CNTNAP2: variants seen among roughly 807,000 people sequenced by gnomAD.
CNTNAP2 encodes the protein contactin-associated protein-like 2.
CNTNAP2 carries 98 observed loss-of-function variants against 155.2 expected under a neutral mutation model. That is an observed-to-expected ratio of 0.63 (90% CI 0.54 to 0.75). The LOEUF (loss-of-function observed/expected upper bound fraction) is 0.75, where lower values mean the gene tolerates loss of function less well. CNTNAP2 is among the 30% of genes least tolerant of loss of function. The probability of loss-of-function intolerance (pLI) is 0.00; values close to 1 mark genes in which losing one functional copy is unlikely to be tolerated. For synonymous variants in CNTNAP2, 651 were observed against 631.2 expected (o/e 1.03, Z -0.47); for missense variants, 1,727 against 1,688.1 (o/e 1.02, Z -0.40).
chr7:146,638,094 T>A (rs892631692), intron 1 of CNTNAP2, among the ~76,000 whole-genome samples: 4 of 152,174 alleles, frequency 2.6e-5, no homozygotes, highest in African/African-American at 9.7e-5. Context: ...AAATCAAACC[T>A]GTTGGTTGCT....
intron 3 of CNTNAP2, among the ~76,000 whole-genome samples, chr7:146,924,951 T>A (rs529354567): frequency 1.3e-5 from 2 of 152,204 alleles, no homozygotes; most frequent in South Asian, 4.1e-4. Flanking sequence ...GCAAAAAAAA[T>A]TAAAAATGTA....
At chr7:146,621,796 T>C (rs998409935) in intron 1 of CNTNAP2, among the ~76,000 whole-genome samples, 3 of 152,174 alleles carry the variant, frequency 2.0e-5, no homozygotes, top group African/African-American at 7.2e-5. Context: ...AGTCCCTATG[T>C]GCAGTTCACA....
chr7:147,985,953 G>C (rs1585063287), intron 15 of CNTNAP2, among the ~76,000 whole-genome samples: 2 of 152,222 alleles, frequency 1.3e-5, no homozygotes, highest in East Asian at 3.9e-4. Flanking sequence ...CTTCCTACAT[G>C]AAATCTGGAT....
intron 3 of CNTNAP2, among the ~76,000 whole-genome samples, chr7:146,933,188 T>C (rs1009622518): frequency 4.0e-5 from 6 of 151,742 alleles, no homozygotes; most frequent in African/African-American, 1.5e-4. Context: ...CTTCAAAGTA[T>C]ACTATAAGGC....
intron 13 of CNTNAP2, among the ~76,000 whole-genome samples, chr7:147,845,150 G>A (rs1397947258): frequency 2.3e-5 from 2 of 87,702 alleles, no homozygotes; most frequent in East Asian, 7.2e-4. Context: ...CTATTGATTG[G>A]AATAGTTTCA....
At chr7:147,099,430 A>T (rs987164020) in intron 4 of CNTNAP2, among the ~76,000 whole-genome samples, 3 of 152,124 alleles carry the variant, frequency 2.0e-5, no homozygotes, top group African/African-American at 7.2e-5. Flanking sequence ...AGTTGAAGCC[A>T]TGGCAGCTCC....
At chr7:147,565,855 G>A (rs1800159793) in intron 12 of CNTNAP2, among the ~76,000 whole-genome samples, 3 of 152,124 alleles carry the variant, frequency 2.0e-5, no homozygotes, top group Non-Finnish European at 2.9e-5. Context: ...TTTTACAGTT[G>A]GGTGAGCCCC....
intron 18 of CNTNAP2, among the ~76,000 whole-genome samples, chr7:148,193,841 C>A (rs1180158589): frequency 6.6e-6 from 1 of 151,948 alleles, no homozygotes; most frequent in Non-Finnish European, 1.5e-5. Flanking sequence ...CCCATTGTTC[C>A]TAGTCCACTG....
At chr7:148,253,985 T>C (rs1320011589) in intron 20 of CNTNAP2, among the ~76,000 whole-genome samples, 1 of 152,092 alleles carries the variant, frequency 6.6e-6, no homozygotes, top group Admixed American at 6.5e-5. Flanking sequence ...CCAAGAATAC[T>C]GTATTTTTGA....
intron 21 of CNTNAP2, among the ~76,000 whole-genome samples, chr7:148,306,181 A>G (rs1315145055): frequency 1.3e-5 from 2 of 152,236 alleles, no homozygotes; most frequent in African/African-American, 4.8e-5. Context: ...CAAGAAATTC[A>G]ATGCCATTTT....
chr7:146,403,298 G>A (rs749974007), intron 1 of CNTNAP2, among the ~76,000 whole-genome samples: 4 of 151,850 alleles, frequency 2.6e-5, no homozygotes, highest in Non-Finnish European at 5.9e-5. Flanking sequence ...TATCATATTC[G>A]GATGACATAA....
At chr7:147,123,936 G>A (rs1037578930) in intron 6 of CNTNAP2, among the ~76,000 whole-genome samples, 4 of 152,138 alleles carry the variant, frequency 2.6e-5, no homozygotes, top group Admixed American at 6.5e-5. Flanking sequence ...CAGCTACTTG[G>A]GAGGCTGAGG....
intron 2 of CNTNAP2, among the ~76,000 whole-genome samples, chr7:146,811,187 G>A (rs1457824044): frequency 3.9e-5 from 6 of 152,054 alleles, no homozygotes; most frequent in Non-Finnish European, 8.8e-5. Context: ...TTTTTGGGGG[G>A]GAGATTTTGA....
At chr7:146,149,259 T>C (rs12703773) in intron 1 of CNTNAP2, among the ~76,000 whole-genome samples, 13 of 152,050 alleles carry the variant, frequency 8.5e-5, no homozygotes, top group Non-Finnish European at 1.9e-4. Flanking sequence ...ATTGACAATA[T>C]GATCCCTACT....
At chr7:146,626,529 G>T in intron 1 of CNTNAP2, among the ~76,000 whole-genome samples, 1 of 152,066 alleles carries the variant, frequency 6.6e-6, no homozygotes, top group East Asian at 1.9e-4. Flanking sequence ...TGATAAGAAA[G>T]GATTGTGTGT....
At chr7:147,313,674 T>C (rs1336257308) in intron 9 of CNTNAP2, among the ~76,000 whole-genome samples, 2 of 152,180 alleles carry the variant, frequency 1.3e-5, no homozygotes, top group African/African-American at 2.4e-5. Flanking sequence ...AGCCTTGTAG[T>C]ATAGCTTGAA....
At chr7:146,375,849 T>G (rs1416159396) in intron 1 of CNTNAP2, among the ~76,000 whole-genome samples, 1 of 152,192 alleles carries the variant, frequency 6.6e-6, no homozygotes, top group African/African-American at 2.4e-5. Flanking sequence ...TAACTTACTC[T>G]TATGTAAATT....
At chr7:147,744,925 G>A (rs982405587) in intron 13 of CNTNAP2, among the ~76,000 whole-genome samples, 12 of 152,102 alleles carry the variant, frequency 7.9e-5, no homozygotes, top group African/African-American at 2.9e-4. Flanking sequence ...AATTTTGGGG[G>A]ACATAATCCT....
At chr7:147,351,406 G>T (rs1795966532) in intron 9 of CNTNAP2, among the ~76,000 whole-genome samples, 1 of 151,684 alleles carries the variant, frequency 6.6e-6, no homozygotes, top group East Asian at 1.9e-4. Flanking sequence ...AAAATAGAAG[G>T]GGAGTAGGAA....
Sources: allele counts gnomAD v4.1 joint callset (sites outside exome capture counted in the v4.1 genomes callset), GRCh38; gene constraint gnomAD v4.1.1; transcripts MANE v1.5; gene names NCBI Gene and HGNC (gene_info 2026-07-23, HGNC 2026-07-21).